Variants in HRH4 observed in about 807,000 individuals in gnomAD.
The protein encoded by HRH4 is histamine H4 receptor.
A neutral mutation model predicts 10.4 loss-of-function variants in HRH4; 12 were observed. That is an observed-to-expected ratio of 1.15 (90% CI 0.74 to 1.87). The LOEUF is 1.87. HRH4 is among the 40% of genes most tolerant of loss of function. The pLI, the probability that HRH4 is intolerant of heterozygous loss-of-function variation, is 0.00. For missense variants in HRH4, 415 were observed against 453.3 expected, an observed-to-expected ratio of 0.92 and a Z score of 0.77; for synonymous variants, 154 against 166.6, an observed-to-expected ratio of 0.92 and a Z score of 0.58.
intron 2 of HRH4, among the ~76,000 whole-genome samples, chr18:24,474,281 G>A (rs969788667): frequency 6.0e-5 from 9 of 150,862 alleles, no homozygotes; most frequent in African/African-American, 4.9e-5. Context: ...AAAGTGTATC[G>A]CATGTGAGAG....
chr18:24,475,007 GT>G (rs1164648018), intron 2 of HRH4, among the ~76,000 whole-genome samples: 2 of 152,060 alleles, frequency 1.3e-5, no homozygotes, highest in Admixed American at 1.3e-4. Flanking sequence ...TTTAAATGAG[GT>G]TCAGAGAGTT....
Position 24,472,124 on chromosome 18 carries a change from C to A in HRH4, c.357+3173C>A, listed in dbSNP as rs139543353. On this transcript the variant is annotated intron_variant, in intron 2 of 2. Coordinates refer to ENST00000256906, the MANE Select transcript of HRH4 (RefSeq NM_021624.4). ...GCAGTGACATGATCTCGGCTCACTGCAAACTCCCCCTCCCGGGTTCAAGCC... is the reference window on the plus strand; with the variant it reads ...GCAGTGACATGATCTCGGCTCACTGAAAACTCCCCCTCCCGGGTTCAAGCC... Among the ~76,000 whole-genome samples, 750 of 152,254 alleles carry A rather than the reference C, an allele frequency of 4.9e-3. 2 individuals carry two copies. Among genetic ancestry groups the A allele is most frequent in the African/African-American group, 0.017 (694 of 41,544 alleles).
At position 24,469,885 on chromosome 18, in the gene HRH4, C is replaced by T. The variant is rs1036443431; in HGVS notation, c.357+934C>T. 2.6e-5 allele frequency among the ~76,000 whole-genome samples: 4 copies of T among 152,202 alleles called. No homozygotes were observed. The South Asian group carries it at 6.2e-4, about 24-fold the overall frequency. On this transcript the variant is annotated intron_variant, in intron 2 of 2. Coordinates refer to ENST00000256906, the MANE Select transcript of HRH4 (RefSeq NM_021624.4). ...CCGGGGAATGAGCACAGTATCTGAT[C>T]GGTAGTTTTTTGATCCTCTCCCTCC...
Position 24,477,117 on chromosome 18 carries a change from A to G in HRH4, c.728A>G (p.Glu243Gly), listed in dbSNP as rs779909323. ...SSRRSLSAST[E>G]VPASFHSERQ... ...AGGAGATCTCTTTCTGCATCGACAG[A>G]AGTTCCTGCATCCTTTCATTCAGAG... The change falls in exon 3 of 3, where the codon GAA becomes GGA. Residue 243 changes from glutamate (E) to glycine (G), a missense_variant. Physicochemically the swap from Glu to Gly is moderately conservative, Grantham distance 98. Transcript: ENST00000256906. 11 of 1,614,108 alleles carry G rather than the reference A, an allele frequency of 6.8e-6. No individual in the cohort carries two copies. The highest frequency in any genetic ancestry group is 8.5e-6 in the Non-Finnish European group (10 of 1,180,052).
chr18:24,468,729 T>C, intron 1 of HRH4, 59 bp from the exon 2 acceptor site: 9 of 1,418,226 alleles, frequency 6.3e-6, no homozygotes, highest in South Asian at 1.3e-5. Context: ...CATTAAAACA[T>C]GCACATTTGT....
At chr18:24,469,938 C>T (rs937423132) in intron 2 of HRH4, among the ~76,000 whole-genome samples, 4 of 152,034 alleles carry the variant, frequency 2.6e-5, no homozygotes, top group Non-Finnish European at 5.9e-5. Flanking sequence ...AGGTAGGCCC[C>T]GGTATCTATT....
intron 1 of HRH4, among the ~76,000 whole-genome samples, chr18:24,465,870 C>A (rs771919539): frequency 6.6e-6 from 1 of 152,092 alleles, no homozygotes; most frequent in Admixed American, 6.6e-5. Flanking sequence ...AATCAGAAAG[C>A]GTGTGACAAA....
intron 1 of HRH4, among the ~76,000 whole-genome samples, chr18:24,462,401 T>C (rs1437698688): frequency 6.6e-6 from 1 of 151,516 alleles, no homozygotes; most frequent in African/African-American, 2.4e-5. Flanking sequence ...CCGTAGGAAA[T>C]GGGGAAACTG....
intron 2 of HRH4, among the ~76,000 whole-genome samples, chr18:24,474,976 G>A (rs1183294773): frequency 1.3e-5 from 2 of 152,102 alleles, no homozygotes; most frequent in African/African-American, 2.4e-5. Flanking sequence ...GAGCCACCGT[G>A]CTGGGCCAAA....
chr18:24,470,654 C>T (rs1443686781), intron 2 of HRH4, among the ~76,000 whole-genome samples: 1 of 151,682 alleles, frequency 6.6e-6, no homozygotes, highest in African/African-American at 2.4e-5. Flanking sequence ...CAGGCGCATG[C>T]CACCATGCCT....
intron 1 of HRH4, among the ~76,000 whole-genome samples, chr18:24,466,776 G>C (rs1599775871): frequency 1.3e-5 from 2 of 152,224 alleles, no homozygotes; most frequent in East Asian, 3.9e-4. Flanking sequence ...ATTCCTGGAA[G>C]TACCTGATAC....
In HRH4 at chr18:24,477,590, T is replaced by G; in HGVS notation, c.*28T>G. 1 of 1,467,366 alleles carries G rather than the reference T, an allele frequency of 6.8e-7. No homozygotes were observed. Among genetic ancestry groups the G allele is most frequent in the Non-Finnish European group, 9.2e-7 (1 of 1,089,272 alleles). 90.9% of individuals were successfully genotyped at this position (1,467,366 alleles called of 1,614,324 possible). ...ACAATTTTCTCACCTCTGTAAATTT[T>G]AGTCTCAATCTCACCTAAATGAATC... is the stretch of plus-strand genomic sequence containing the variant. On this transcript the variant is annotated 3_prime_UTR_variant, in exon 3 of 3. Coordinates refer to ENST00000256906, the MANE Select transcript of HRH4 (RefSeq NM_021624.4).
At chr18:24,473,110 GCACC>G (rs1272737649) in intron 2 of HRH4, among the ~76,000 whole-genome samples, 3 of 151,794 alleles carry the variant, frequency 2.0e-5, no homozygotes, top group Admixed American at 6.6e-5. Flanking sequence ...AGCCAAGATC[GCACC>G]ACTGCACTCC....
intron 1 of HRH4, among the ~76,000 whole-genome samples, chr18:24,464,268 T>A (rs1909718137): frequency 6.6e-6 from 1 of 152,212 alleles, no homozygotes; most frequent in Admixed American, 6.5e-5. Flanking sequence ...GCTGTCTTTC[T>A]GGCTTGCAGA....
Position 24,479,517 on chromosome 18 carries a change from C to T in HRH4, c.*1955C>T, listed in dbSNP as rs1239526776. ...ACGCAGGAGTGCAGTGGCATGCTCT[C>T]AGCTCACTGCAGCCCTGACTGCCTA... On this transcript the variant is annotated 3_prime_UTR_variant, in exon 3 of 3. Transcript: ENST00000256906. 6.6e-6 allele frequency: 1 copy of T among 152,180 alleles called. No individual in the cohort carries two copies. The highest frequency in any genetic ancestry group is 1.5e-5 in the Non-Finnish European group (1 of 68,040). The allele number at this position is 152,180 out of a possible 1,614,324, so 9.4% of individuals were successfully genotyped here.
intron 2 of HRH4, among the ~76,000 whole-genome samples, chr18:24,472,266 G>A (rs750794946): frequency 2.2e-4 from 33 of 152,044 alleles, no homozygotes; most frequent in African/African-American, 5.1e-4. Context: ...GGGTGATTTT[G>A]AACTCCTGAC....
chr18:24,461,012 G>A, intron 1 of HRH4, 91 bp downstream of exon 1: 1 of 929,272 alleles, frequency 1.1e-6, no homozygotes, highest in Non-Finnish European at 1.6e-6. Context: ...TCAGGGGACT[G>A]TATACAACTG....
chr18:24,472,129 T>TC (rs965813315), intron 2 of HRH4, among the ~76,000 whole-genome samples: 4 of 152,080 alleles, frequency 2.6e-5, no homozygotes, highest in African/African-American at 9.7e-5. Context: ...CACTGCAAAC[T>TC]CCCCCTCCCG....
intron 2 of HRH4, among the ~76,000 whole-genome samples, chr18:24,475,141 T>G (rs1910102620): frequency 6.6e-6 from 1 of 152,154 alleles, no homozygotes; most frequent in Non-Finnish European, 1.5e-5. Flanking sequence ...GTGGGTCCTG[T>G]GATGGGAGGG....
Sources: gnomAD v4.1 joint callset for allele counts (sites outside exome capture counted in the v4.1 genomes callset) on GRCh38, gnomAD v4.1.1 for gene constraint, MANE v1.5 for transcripts, NCBI Gene and HGNC (gene_info 2026-07-23, HGNC 2026-07-21) for gene names.